KCNH1: variants seen among roughly 807,000 people sequenced by gnomAD.
The protein encoded by KCNH1 is voltage-gated delayed rectifier potassium channel KCNH1.
A neutral mutation model predicts 69.2 loss-of-function variants in KCNH1; 27 were observed. The observed-to-expected ratio is 0.39, with a 90% CI of 0.29 to 0.54. The LOEUF is 0.54. KCNH1 is among the 20% of genes least tolerant of loss of function. KCNH1 has a pLI of 0.68. For synonymous variants in KCNH1, 456 were observed against 487.7 expected (o/e 0.93, Z 0.86); for missense variants, 798 against 1,261.6 (o/e 0.63, Z 5.57).
chr1:211,101,989 A>G (rs1024270941), intron 3 of KCNH1, among the ~76,000 whole-genome samples: 2 of 152,202 alleles, frequency 1.3e-5, no homozygotes, highest in African/African-American at 4.8e-5. Flanking sequence ...CACAACCTTC[A>G]GGGAGGGAAG....
At chr1:210,816,076 T>C (rs1231452119) in intron 7 of KCNH1, among the ~76,000 whole-genome samples, 1 of 152,182 alleles carries the variant, frequency 6.6e-6, no homozygotes, top group Non-Finnish European at 1.5e-5. Flanking sequence ...TTAACCTGCA[T>C]TTCGGTTACA....
At chr1:210,806,347 T>C (rs961197280) in intron 7 of KCNH1, among the ~76,000 whole-genome samples, 2 of 152,196 alleles carry the variant, frequency 1.3e-5, no homozygotes, top group South Asian at 2.1e-4. Flanking sequence ...TGCTTATTGG[T>C]CATTTATATA....
At chr1:210,795,646 C>G (rs1329728576) in intron 9 of KCNH1, among the ~76,000 whole-genome samples, 1 of 152,100 alleles carries the variant, frequency 6.6e-6, no homozygotes, top group Non-Finnish European at 1.5e-5. Context: ...CTTTTTCTTT[C>G]TTTCTTTCTT....
intron 10 of KCNH1, among the ~76,000 whole-genome samples, chr1:210,708,171 C>G (rs1316925198): frequency 6.6e-6 from 1 of 152,208 alleles, no homozygotes; most frequent in Non-Finnish European, 1.5e-5. Context: ...TTCACCCTTT[C>G]TGGAGCCCAT....
chr1:210,836,123 AAAAAAAAAAAT>A (rs1171742157), intron 7 of KCNH1, among the ~76,000 whole-genome samples: 1 of 151,518 alleles, frequency 6.6e-6, no homozygotes, highest in African/African-American at 2.4e-5. Flanking sequence ...AAAAAAAAAA[AAAAAAAAAAAT>A]TTCTATATTG....
chr1:210,899,528 A>G (rs2102533650), intron 7 of KCNH1, among the ~76,000 whole-genome samples: 1 of 152,268 alleles, frequency 6.6e-6, no homozygotes, highest in African/African-American at 2.4e-5. Flanking sequence ...TCTCATACAA[A>G]CAAAAGCTCT....
At chr1:210,801,985 C>T (rs1051522603) in intron 8 of KCNH1, among the ~76,000 whole-genome samples, 2 of 152,170 alleles carry the variant, frequency 1.3e-5, no homozygotes, top group African/African-American at 4.8e-5. Flanking sequence ...TGTTCAAATC[C>T]TGGCTTTGCC....
chr1:211,079,499 G>A (rs538602211), intron 5 of KCNH1, among the ~76,000 whole-genome samples: 2 of 152,210 alleles, frequency 1.3e-5, no homozygotes, highest in South Asian at 2.1e-4. Flanking sequence ...CCAAAGCCTG[G>A]CAGAAACACA....
At chr1:210,722,229 G>A (rs1682486728) in intron 10 of KCNH1, among the ~76,000 whole-genome samples, 1 of 152,208 alleles carries the variant, frequency 6.6e-6, no homozygotes, top group Admixed American at 6.5e-5. Context: ...GTGTTACTTT[G>A]TAGGGCTGGA....
intron 5 of KCNH1, among the ~76,000 whole-genome samples, chr1:211,024,657 G>A (rs1474388098): frequency 1.3e-5 from 2 of 152,198 alleles, no homozygotes; most frequent in East Asian, 3.9e-4. Flanking sequence ...TAGATAATGA[G>A]TTGGGACAAA....
intron 6 of KCNH1, among the ~76,000 whole-genome samples, chr1:210,946,015 C>G (rs551031495): frequency 3.9e-5 from 6 of 152,290 alleles, no homozygotes; most frequent in Admixed American, 3.3e-4. Flanking sequence ...CCTCAGCACC[C>G]AGAACACTGC....
At chr1:210,999,453 G>C (rs1221132090) in intron 6 of KCNH1, among the ~76,000 whole-genome samples, 1 of 152,112 alleles carries the variant, frequency 6.6e-6, no homozygotes, top group African/African-American at 2.4e-5. Context: ...ACCCTCCCAA[G>C]ACTAAACCAG....
At chr1:211,116,810 AG>A (rs1362059780) in intron 1 of KCNH1, among the ~76,000 whole-genome samples, 1 of 152,176 alleles carries the variant, frequency 6.6e-6, no homozygotes, top group African/African-American at 2.4e-5. Context: ...GCCTAGGAGT[AG>A]GTCAGTAACT....
At chr1:210,956,097 G>C (rs897782192) in intron 6 of KCNH1, among the ~76,000 whole-genome samples, 3 of 152,138 alleles carry the variant, frequency 2.0e-5, no homozygotes, top group Non-Finnish European at 4.4e-5. Flanking sequence ...AGTTTATTGA[G>C]AGTTTTTGGC....
chr1:210,913,960 C>T (rs1687287394), intron 7 of KCNH1, among the ~76,000 whole-genome samples: 1 of 152,130 alleles, frequency 6.6e-6, no homozygotes, highest in African/African-American at 2.4e-5. Flanking sequence ...CTTTCCCCTT[C>T]CTTTTCTTTC....
chr1:211,024,037 A>G (rs1689637062), intron 5 of KCNH1, among the ~76,000 whole-genome samples: 1 of 152,208 alleles, frequency 6.6e-6, no homozygotes. Context: ...CACGTATCAA[A>G]ATATCATGTG....
At chr1:211,060,640 T>C (rs1327237502) in intron 5 of KCNH1, among the ~76,000 whole-genome samples, 3 of 151,872 alleles carry the variant, frequency 2.0e-5, no homozygotes, top group Admixed American at 6.6e-5. Context: ...TTACAATGGA[T>C]ATTGCTGAAA....
chr1:211,058,423 TA>T (rs1041352537), intron 5 of KCNH1, among the ~76,000 whole-genome samples: 120 of 152,180 alleles, frequency 7.9e-4, no homozygotes, highest in African/African-American at 2.8e-3. Flanking sequence ...TACAATAAAA[TA>T]AATAGAAACA....
At chr1:210,693,170 G>C (rs760900834) in intron 10 of KCNH1, among the ~76,000 whole-genome samples, 46 of 152,208 alleles carry the variant, frequency 3.0e-4, no homozygotes, top group Non-Finnish European at 5.7e-4. Context: ...CGAAGCCTTA[G>C]TTGTCTTCTG....
Sources: allele counts gnomAD v4.1 joint callset (sites outside exome capture counted in the v4.1 genomes callset), GRCh38; gene constraint gnomAD v4.1.1; transcripts MANE v1.5; gene names NCBI Gene and HGNC (gene_info 2026-07-23, HGNC 2026-07-21).